Variants in MAP2K1 observed in about 807,000 individuals in gnomAD.
MAP2K1 encodes mitogen-activated protein kinase kinase 1.
MAP2K1 carries 16 observed loss-of-function variants against 46.3 expected under a neutral mutation model. The ratio of observed to expected loss-of-function variants is 0.35; its 90% CI spans 0.23 to 0.52. MAP2K1 has a LOEUF of 0.52. Ranked by LOEUF, MAP2K1 falls within the 20% of genes least tolerant of loss-of-function variation. The probability of loss-of-function intolerance (pLI) is 0.94; values close to 1 mark genes in which losing one functional copy is unlikely to be tolerated. For missense variants in MAP2K1, 263 were observed against 497.1 expected (o/e 0.53, Z 4.48); for synonymous variants, 183 against 185.6 (o/e 0.99, Z 0.11).
chr15:66,417,826 C>T (rs550030401), intron 1 of MAP2K1, among the ~76,000 whole-genome samples: 5 of 152,214 alleles, frequency 3.3e-5, no homozygotes, highest in Admixed American at 3.3e-4. Flanking sequence ...ACAATTTCTC[C>T]TGTGGACTAG....
chr15:66,415,655 C>T (rs1385898454), intron 1 of MAP2K1, among the ~76,000 whole-genome samples: 4 of 152,308 alleles, frequency 2.6e-5, no homozygotes, highest in South Asian at 2.1e-4. Flanking sequence ...CCTGGCTTGG[C>T]TCTCCCATTT....
intron 6 of MAP2K1, among the ~76,000 whole-genome samples, chr15:66,483,537 T>C (rs1032819990): frequency 1.3e-5 from 2 of 152,128 alleles, no homozygotes; most frequent in Admixed American, 1.3e-4. Context: ...TAGTGAAAAA[T>C]GCTACTGGAG....
chr15:66,400,977 T>C lies in MAP2K1; in HGVS notation c.80+13550T>C, dbSNP rs57824003. On this transcript the variant is annotated intron_variant, in intron 1 of 10. Transcript: ENST00000307102. Reference sequence around the variant, plus strand: ...GAATACCTTCTAAAGAAAAAACCTATAGACATTACATTCTCCAGTTTAACT... The same window carrying C: ...GAATACCTTCTAAAGAAAAAACCTACAGACATTACATTCTCCAGTTTAACT... Among the ~76,000 whole-genome samples the C allele has an allele frequency of 6.7e-3, 1,018 of 152,304 alleles. 16 individuals are homozygous for C. Among genetic ancestry groups the C allele is most frequent in the African/African-American group, 0.023 (974 of 41,574 alleles).
intron 5 of MAP2K1, among the ~76,000 whole-genome samples, chr15:66,470,847 G>A (rs1892614861): frequency 1.3e-5 from 2 of 152,170 alleles, no homozygotes; most frequent in South Asian, 2.1e-4. Flanking sequence ...GCCTCAGGAG[G>A]TCCTGATGAT....
Position 66,386,972 on chromosome 15 carries a change from C to G in MAP2K1, c.-376C>G, listed in dbSNP as rs1386990784. ...AGCACGGCGGCGGCGGCACTTTCCC[C>G]GGCAGGAGCTGGAGCTGGGCTCTGG... On this transcript the variant is annotated 5_prime_UTR_variant, in exon 1 of 11. Coordinates refer to ENST00000307102, the MANE Select transcript of MAP2K1 (RefSeq NM_002755.4). The G allele has an allele frequency of 3.7e-6, 1 of 267,508 alleles. No homozygotes were observed. Among genetic ancestry groups the G allele is most frequent in the Non-Finnish European group, 7.0e-6 (1 of 142,544 alleles). The allele number at this position is 267,508 out of a possible 1,614,324, so 16.6% of individuals were successfully genotyped here.
chr15:66,405,574 A>C (rs2093394482), intron 1 of MAP2K1, among the ~76,000 whole-genome samples: 1 of 152,232 alleles, frequency 6.6e-6, no homozygotes, highest in Non-Finnish European at 1.5e-5. Flanking sequence ...CAGACAGCTA[A>C]TTAATCCAGT....
At position 66,484,138 on chromosome 15, in the gene MAP2K1, C is replaced by T. The variant is rs183017900; in HGVS notation, c.694-852C>T. Among the ~76,000 whole-genome samples, 10 of 147,140 alleles carry T rather than the reference C, an allele frequency of 6.8e-5. No homozygotes were observed. In the East Asian group the frequency reaches 1.8e-3, roughly 26 times the overall value. On this transcript the variant is annotated intron_variant, in intron 6 of 10. Transcript: ENST00000307102. ...TGTCATTTTCATCATCATCAGCCACCACCCCCCCCCACCTTTTTTTCTTCC... is the reference window on the plus strand; with the variant it reads ...TGTCATTTTCATCATCATCAGCCACTACCCCCCCCCACCTTTTTTTCTTCC...
rs1390308924 is a variant in MAP2K1 at position 66,387,321 on chromosome 15, G to A, written c.-27G>A. 2 of 1,547,370 alleles carry A rather than the reference G, an allele frequency of 1.3e-6. No individual in the cohort carries two copies. Among genetic ancestry groups the A allele is most frequent in the East Asian group, 4.9e-5 (2 of 41,034 alleles). Reference sequence around the variant, plus strand: ...CGAGAGGTGCTGCCCTCCCCCCGGAGTTGGAAGCGCGTTACCCGGGTCCAA... The same window carrying A: ...CGAGAGGTGCTGCCCTCCCCCCGGAATTGGAAGCGCGTTACCCGGGTCCAA... On this transcript the variant is annotated 5_prime_UTR_variant, in exon 1 of 11. Transcript: ENST00000307102.
chr15:66,435,219 C>T lies in MAP2K1; in HGVS notation c.273C>T (p.Gly91=). ...TCAAGGTCTCCCACAAGCCTTCTGG[C>T]CTGGTCATGGCCAGAAAGGTGAGTT... The part of the protein sequence containing the change: ...VVFKVSHKPS[G]LVMARKLIHL... Residue 91 remains glycine, a synonymous_variant, in exon 2 of 11, where the codon GGC becomes GGT. Transcript: ENST00000307102. 2 of 1,614,014 alleles carry T rather than the reference C, an allele frequency of 1.2e-6. No individual in the cohort carries two copies. The highest frequency in any genetic ancestry group is 1.7e-6 in the Non-Finnish European group (2 of 1,179,934).
At chr15:66,424,623 C>T (rs1229690667) in intron 1 of MAP2K1, among the ~76,000 whole-genome samples, 1 of 151,916 alleles carries the variant, frequency 6.6e-6, no homozygotes, top group Non-Finnish European at 1.5e-5. Flanking sequence ...TTTTCTCAGT[C>T]TTTCTACTGC....
intron 5 of MAP2K1, among the ~76,000 whole-genome samples, chr15:66,449,205 A>G (rs937455464): frequency 6.6e-6 from 1 of 152,186 alleles, no homozygotes; most frequent in African/African-American, 2.4e-5. Context: ...TTTATTTATA[A>G]TTGCCCAAAA....
chr15:66,394,741 C>A (rs1312018637), intron 1 of MAP2K1, among the ~76,000 whole-genome samples: 1 of 152,142 alleles, frequency 6.6e-6, no homozygotes, highest in Non-Finnish European at 1.5e-5. Flanking sequence ...CATGAGCCAC[C>A]ATGTCTGGCC....
At chr15:66,465,826 T>C (rs1355936006) in intron 5 of MAP2K1, among the ~76,000 whole-genome samples, 2 of 152,260 alleles carry the variant, frequency 1.3e-5, no homozygotes, top group African/African-American at 4.8e-5. Context: ...AGATTATTTC[T>C]ATGAAGTACA....
At chr15:66,401,770 T>C (rs915109839) in intron 1 of MAP2K1, 1 of 152,380 alleles carries the variant, frequency 6.6e-6, no homozygotes, top group Non-Finnish European at 1.5e-5. Context: ...GAGATGACAG[T>C]TGAACTGGGT....
intron 1 of MAP2K1, among the ~76,000 whole-genome samples, chr15:66,427,749 C>T (rs2093462815): frequency 6.6e-6 from 1 of 152,010 alleles, no homozygotes; most frequent in African/African-American, 2.4e-5. Flanking sequence ...GGCATGGTGG[C>T]TCACCCCTGT....
At chr15:66,437,648 G>A (rs1595862258) in intron 3 of MAP2K1, among the ~76,000 whole-genome samples, 1 of 152,150 alleles carries the variant, frequency 6.6e-6, no homozygotes, top group East Asian at 1.9e-4. Flanking sequence ...CTTTAGAATA[G>A]GGATCCTGGT....
Position 66,420,154 on chromosome 15 carries a change from G to A in MAP2K1, c.81-14873G>A, listed in dbSNP as rs144696957. On this transcript the variant is annotated intron_variant, in intron 1 of 10. Transcript: ENST00000307102. The stretch of plus-strand genomic sequence containing the variant: ...AGCTACTCGGGAGGCTGAGGAATGA[G>A]AATCACTTGAACCGGGGAGGCGGAG... Among the ~76,000 whole-genome samples the A allele has an allele frequency of 3.3e-3, 500 of 152,260 alleles. 3 individuals are homozygous for A. The highest frequency in any genetic ancestry group is 0.011 in the African/African-American group (476 of 41,540).
At chr15:66,411,059 T>C (rs1233729377) in intron 1 of MAP2K1, among the ~76,000 whole-genome samples, 1 of 152,066 alleles carries the variant, frequency 6.6e-6, no homozygotes, top group African/African-American at 2.4e-5. Flanking sequence ...TGCAATGTTA[T>C]GTGCGTTGAG....
chr15:66,488,886 G>A (rs1172361989), intron 8 of MAP2K1: 2 of 414,486 alleles, frequency 4.8e-6, no homozygotes, highest in Non-Finnish European at 9.0e-6. Context: ...AGATCATTAG[G>A]CCCAACCTCT....
Sources: gnomAD v4.1 joint callset for allele counts (sites outside exome capture counted in the v4.1 genomes callset) on GRCh38, gnomAD v4.1.1 for gene constraint, MANE v1.5 for transcripts, NCBI Gene and HGNC (gene_info 2026-07-23, HGNC 2026-07-21) for gene names.